The following BBOF1 variants were observed in gnomAD, a reference collection of about 807,000 sequenced individuals.
The protein encoded by BBOF1 is basal body orientation factor 1.
BBOF1 carries 62 observed loss-of-function variants against 68.0 expected under a neutral mutation model. The ratio of observed to expected loss-of-function variants is 0.91; its 90% CI spans 0.74 to 1.13. BBOF1 has a LOEUF of 1.13. Among genes scored for constraint, BBOF1 ranks in the 50% most tolerant of loss-of-function variants. The probability of loss-of-function intolerance (pLI) is 0.00; values close to 1 mark genes in which losing one functional copy is unlikely to be tolerated. For synonymous variants in BBOF1, 208 were observed against 198.8 expected (o/e 1.05, Z -0.39); for missense variants, 534 against 600.1 (o/e 0.89, Z 1.15).
rs1286354390 is a variant in BBOF1, at chr14:74,050,034, A to T, written c.1125A>T (p.Leu375=). The T allele has an allele frequency of 6.2e-7, 1 of 1,614,164 alleles. No individual in the cohort carries two copies. Among genetic ancestry groups the T allele is most frequent in the Non-Finnish European group, 8.5e-7 (1 of 1,180,030 alleles). ...DALHQVKQQI[L]ISRKHYKQIA... is the part of the protein sequence containing the mutation. Reference sequence around the variant, plus strand: ...TGCACCAAGTGAAGCAACAGATCCTAATTAGCAGGAAGCATTATAAGCAGA... The same window carrying T: ...TGCACCAAGTGAAGCAACAGATCCTTATTAGCAGGAAGCATTATAAGCAGA... The change falls in exon 8 of 12, where the codon CTA becomes CTT. Residue 375 remains leucine, a synonymous_variant. Transcript: ENST00000394009.
chr14:74,047,828 C>T (rs2059984635), intron 6 of BBOF1, 102 bp from the exon 7 acceptor site: 8 of 980,678 alleles, frequency 8.2e-6, no homozygotes, highest in East Asian at 2.7e-5. Flanking sequence ...GTGGTAGTCA[C>T]TATTGATAAT....
Position 74,023,046 on chromosome 14 carries a change from A to G in BBOF1, c.187A>G (p.Ser63Gly). The change falls in exon 2 of 12, where the codon AGT becomes GGT. Residue 63 changes from serine to glycine, a missense_variant. Ser to Gly is a moderately conservative substitution (Grantham distance 56). Transcript: ENST00000394009. ...YRDTSRILAK[S>G]NEDLKKKQCK... ...TGATACTTCACGGATACTGGCAAAA[A>G]GTAATGAGGACTTAAAGAAAAAGCA... 1.2e-6 allele frequency: 2 copies of G among 1,609,982 alleles called. No individual in the cohort carries two copies. The highest frequency in any genetic ancestry group is 1.3e-5 in the African/African-American group (1 of 74,994).
At chr14:74,056,399 C>T (rs895946758) in intron 9 of BBOF1, among the ~76,000 whole-genome samples, 1 of 151,820 alleles carries the variant, frequency 6.6e-6, no homozygotes, top group Non-Finnish European at 1.5e-5. Flanking sequence ...GGAGTTTTAC[C>T]ATGTTATCCA....
intron 11 of BBOF1, among the ~76,000 whole-genome samples, chr14:74,061,206 G>A (rs916078892): frequency 5.3e-5 from 8 of 152,016 alleles, no homozygotes; most frequent in South Asian, 2.1e-4. Flanking sequence ...TCGAACTCCC[G>A]GCCTCAAGTG....
chr14:74,024,939 A>G (rs1334208633), intron 2 of BBOF1, among the ~76,000 whole-genome samples: 2 of 151,480 alleles, frequency 1.3e-5, no homozygotes, highest in Non-Finnish European at 1.5e-5. Flanking sequence ...TATTTTTTGT[A>G]TTTTTAGTAG....
At chr14:74,072,156 A>G (rs773757872) in intron 9 of BBOF1, 1 of 1,613,476 alleles carries the variant, frequency 6.2e-7, no homozygotes, top group South Asian at 1.1e-5. Flanking sequence ...AGTGACAAAC[A>G]TGCCCTAGGT....
At chr14:74,020,355 C>T (rs765150052) in intron 1 of BBOF1, among the ~76,000 whole-genome samples, 1 of 152,088 alleles carries the variant, frequency 6.6e-6, no homozygotes, top group Non-Finnish European at 1.5e-5. Flanking sequence ...GACCATGCTT[C>T]TACAGTACAC....
downstream of BBOF1, chr14:74,067,539 C>T (rs746108355): frequency 2.8e-5 from 46 of 1,614,048 alleles, no homozygotes; most frequent in African/African-American, 4.0e-5. Flanking sequence ...TTATTGGCAT[C>T]TGGCATGACT....
intron 11 of BBOF1, among the ~76,000 whole-genome samples, chr14:74,062,243 A>G (rs1407083976): frequency 1.3e-5 from 2 of 151,906 alleles, no homozygotes; most frequent in African/African-American, 4.8e-5. Flanking sequence ...CAATTTTTAA[A>G]CAATAGTTGT....
chr14:74,063,164 C>T (rs61383386), intron 11 of BBOF1, among the ~76,000 whole-genome samples: 2,399 of 151,994 alleles, frequency 0.016, 63 homozygotes, highest in African/African-American at 0.054. Flanking sequence ...CACCTGTTGG[C>T]CGATGTGGCA....
downstream of BBOF1, chr14:74,066,186 G>A (rs1223251810): frequency 6.0e-6 from 1 of 166,362 alleles, no homozygotes; most frequent in African/African-American, 2.4e-5. Flanking sequence ...GGAGAGGGGA[G>A]AGAAAACATT....
chr14:74,070,709 T>A, downstream of BBOF1: 1 of 181,528 alleles, frequency 5.5e-6, no homozygotes, highest in Non-Finnish European at 1.2e-5. Context: ...TTTCACTATG[T>A]CTCATTTTTC....
Position 74,060,408 on chromosome 14 carries a change from G to A in BBOF1, c.1578+3150G>A, listed in dbSNP as rs117311919. 1.6e-3 allele frequency: 837 copies of A among 520,218 alleles called. 2 individuals are homozygous for A. The highest frequency in any genetic ancestry group is 2.0e-3 in the Non-Finnish European group (582 of 287,594). 32.2% of individuals were successfully genotyped at this position (520,218 alleles called of 1,614,324 possible). A position where few individuals can be genotyped will look rare whatever the true frequency, so the allele number is the denominator to read the frequency against. ...ACTACTTTCAGATAAGCATTTCATA[G>A]TTACAACAGTTACCTCAAAATAGAA... On this transcript the variant is annotated intron_variant, in intron 11 of 11. Coordinates refer to ENST00000394009, the MANE Select transcript of BBOF1 (RefSeq NM_025057.3).
At chr14:74,043,556 C>CAAA (rs1162364604) in intron 5 of BBOF1, among the ~76,000 whole-genome samples, 1 of 26,822 alleles carries the variant, frequency 3.7e-5, no homozygotes, top group Non-Finnish European at 7.2e-5. Context: ...GACTCCGTCT[C>CAAA]AAAAAAAAAA....
chr14:74,030,139 A>G (rs1301679919), intron 3 of BBOF1, among the ~76,000 whole-genome samples: 2 of 152,168 alleles, frequency 1.3e-5, no homozygotes, highest in South Asian at 2.1e-4. Context: ...ATTCTTTTCT[A>G]TGAGGTTATG....
chr14:74,050,187 C>T lies in BBOF1; in HGVS notation c.1278C>T (p.Ala426=), dbSNP rs375147094. 35 of 1,532,894 alleles carry T rather than the reference C, an allele frequency of 2.3e-5. No homozygotes were observed. The highest frequency in any genetic ancestry group is 3.0e-5 in the Non-Finnish European group (34 of 1,141,084). 95.0% of individuals were successfully genotyped at this position (1,532,894 alleles called of 1,614,324 possible). ...TNSVNQDLLE[A]EKWTHIEGNV... ...GTGTGAATCAGGATCTTCTGGAGGC[C>T]GAAAAATGGTACTAGCAATACTTTA... Residue 426 remains alanine (A), a synonymous_variant, in exon 8 of 12, where the codon GCC becomes GCT. Transcript: ENST00000394009.
Position 74,049,900 on chromosome 14 carries a change from C to CT in BBOF1, c.992dup (p.Gln332AlafsTer24). ...AGCAGGTCAGGTAGAAATTGACAAG[C>CT]TGCAGCACCTTCTTCAGATGAAGGA... On this transcript the variant is annotated frameshift_variant, in exon 8 of 12. Coordinates refer to ENST00000394009, the MANE Select transcript of BBOF1 (RefSeq NM_025057.3). LOFTEE classifies it high-confidence loss of function. 1 of 1,614,144 alleles carries CT rather than the reference C, an allele frequency of 6.2e-7. No homozygotes were observed. Among genetic ancestry groups the CT allele is most frequent in the Non-Finnish European group, 8.5e-7 (1 of 1,180,022 alleles).
At position 74,019,487 on chromosome 14, in the gene BBOF1, GA is replaced by G; in HGVS notation, c.11del (p.Lys4ArgfsTer18). The part of the protein sequence containing the change: MPS[K>X]GKDKKKGKSK... ...CCCCTGGGGAAGCCAAGATGCCGTC[GA>G]AGGGAAAGGACAAAAAGAAAGGCAA... On this transcript the variant is annotated frameshift_variant, in exon 1 of 12. Transcript: ENST00000394009. LOFTEE classifies it high-confidence loss of function. The G allele has an allele frequency of 6.2e-7, 1 of 1,605,198 alleles. No homozygotes were observed.
At position 74,049,379 on chromosome 14, in the gene BBOF1, T is replaced by TAA. The variant is rs35753773; in HGVS notation, c.793-314_793-313dup. 6.4e-3 allele frequency among the ~76,000 whole-genome samples: 963 copies of TAA among 150,562 alleles called. 15 individuals carry two copies. The highest frequency in any genetic ancestry group is 0.022 in the African/African-American group (923 of 41,114). On this transcript the variant is annotated intron_variant, in intron 7 of 11. Coordinates refer to ENST00000394009, the MANE Select transcript of BBOF1 (RefSeq NM_025057.3). ...GGAACTTCCTAAGTTCTGGAATGAT[T>TAA]AAAAAAAAAATCAGCCGGGCGCAGT...
Sources: allele counts gnomAD v4.1 joint callset (sites outside exome capture counted in the v4.1 genomes callset), GRCh38; gene constraint gnomAD v4.1.1; transcripts MANE v1.5; gene names NCBI Gene and HGNC (gene_info 2026-07-23, HGNC 2026-07-21).